The following DOCK7 variants were observed in gnomAD, a reference collection of about 807,000 sequenced individuals.
The protein encoded by DOCK7 is dedicator of cytokinesis 7, also known as dedicator of cytokinesis protein 7.
DOCK7 carries 138 observed loss-of-function variants against 271.0 expected under a neutral mutation model. The observed-to-expected ratio is 0.51, with a 90% confidence interval of 0.44 to 0.59. The LOEUF (loss-of-function observed/expected upper bound fraction) is 0.59. DOCK7 is among the 20% of genes least tolerant of loss of function. The pLI, the probability that DOCK7 is intolerant of heterozygous loss-of-function variation, is 0.00. For synonymous variants in DOCK7, 823 were observed against 876.1 expected, an observed-to-expected ratio of 0.94 and a Z score of 1.07; for missense variants, 2,066 against 2,592.4, an observed-to-expected ratio of 0.80 and a Z score of 4.41.
chr1:62,486,443 T>C (rs1048669907), intron 43 of DOCK7: 1 of 152,104 alleles, frequency 6.6e-6, no homozygotes, highest in African/African-American at 2.4e-5. Flanking sequence ...TTTACAAATA[T>C]ACCTAGCTTT....
intron 33 of DOCK7, among the ~76,000 whole-genome samples, chr1:62,512,258 T>A (rs1166834437): frequency 6.6e-6 from 1 of 152,150 alleles, no homozygotes; most frequent in Non-Finnish European, 1.5e-5. Flanking sequence ...TTGGCATGTA[T>A]CATCTACACA....
intron 9 of DOCK7, chr1:62,633,790 T>C (rs1383458582): frequency 6.2e-6 from 3 of 483,150 alleles, no homozygotes; most frequent in Non-Finnish European, 1.1e-5. Context: ...ACTACCATAA[T>C]AAAGGCCATA....
chr1:62,590,558 G>A (rs539072607), intron 14 of DOCK7, among the ~76,000 whole-genome samples: 1 of 152,222 alleles, frequency 6.6e-6, no homozygotes, highest in East Asian at 1.9e-4. Flanking sequence ...CATAGAACTC[G>A]TGGTCTAGAG....
At chr1:62,530,263 C>A (rs1399313417) in intron 29 of DOCK7, among the ~76,000 whole-genome samples, 1 of 152,200 alleles carries the variant, frequency 6.6e-6, no homozygotes, top group East Asian at 1.9e-4. Flanking sequence ...TTTGCTCTGG[C>A]CAGGTCTTTT....
chr1:62,687,217 T>C (rs1026994177), intron 1 of DOCK7, among the ~76,000 whole-genome samples: 1 of 152,254 alleles, frequency 6.6e-6, no homozygotes, highest in African/African-American at 2.4e-5. Flanking sequence ...TATGATTTTA[T>C]TAAAACAAAA....
At chr1:62,620,052 G>C in intron 12 of DOCK7, 59 bp from the exon 13 acceptor site, 1 of 1,381,084 alleles carries the variant, frequency 7.2e-7, no homozygotes, top group Non-Finnish European at 1.0e-6. Flanking sequence ...AGGCACAGTG[G>C]CTCACGCCTG....
intron 47 of DOCK7, 94 bp downstream of exon 47, chr1:62,475,114 C>A: frequency 7.4e-7 from 1 of 1,357,560 alleles, no homozygotes; most frequent in Non-Finnish European, 9.7e-7. Context: ...GAAGGCAGAT[C>A]CTTTTCATCT....
At position 62,654,072 on chromosome 1, in the gene DOCK7, C is replaced by A. The variant is rs1657695516; in HGVS notation, c.232G>T (p.Asp78Tyr). 1.9e-6 allele frequency: 3 copies of A among 1,613,908 alleles called. No individual in the cohort carries two copies. The highest frequency in any genetic ancestry group is 2.5e-6 in the Non-Finnish European group (3 of 1,179,916). ...PLAVDSGPLRDLIEFPPDDIE... is the reference protein window; with the variant it reads ...PLAVDSGPLRYLIEFPPDDIE... ...TCATCTGGAGGAAATTCAATCAAAT[C>A]CCGTAAAGGCCCAGAATCCACAGCC... is the stretch of plus-strand genomic sequence containing the variant. The change falls in exon 3 of 50, where the codon GAT (aspartate) becomes TAT (tyrosine). Residue 78 changes from aspartate to tyrosine, a missense_variant. Asp to Tyr is a radical substitution (Grantham distance 160). Transcript: ENST00000635253.
chr1:62,641,283 A>T, intron 7 of DOCK7: 1 of 419,432 alleles, frequency 2.4e-6, no homozygotes. Context: ...ACTGCCTGGT[A>T]CTTCCAGCCA....
At chr1:62,669,537 A>C (rs138997260) in intron 1 of DOCK7, among the ~76,000 whole-genome samples, 164 of 152,298 alleles carry the variant, frequency 1.1e-3, no homozygotes, top group African/African-American at 3.6e-3. Flanking sequence ...AAACAGGTTC[A>C]TTTCTGCCAT....
At chr1:62,676,978 G>C (rs1179094018) in intron 1 of DOCK7, among the ~76,000 whole-genome samples, 2 of 152,220 alleles carry the variant, frequency 1.3e-5, no homozygotes, top group African/African-American at 4.8e-5. Context: ...GGTTTTCCTT[G>C]AATGTCTTTG....
chr1:62,585,605 C>T (rs1355890763), intron 15 of DOCK7, among the ~76,000 whole-genome samples: 1 of 152,134 alleles, frequency 6.6e-6, no homozygotes, highest in African/African-American at 2.4e-5. Context: ...GGTTCCCTGG[C>T]AACTCACCAC....
chr1:62,546,017 G>C (rs2149406370), intron 22 of DOCK7, among the ~76,000 whole-genome samples: 1 of 152,230 alleles, frequency 6.6e-6, no homozygotes, highest in Middle Eastern at 3.4e-3. Flanking sequence ...ATTAGGGTAA[G>C]AATAGCAAAG....
chr1:62,663,937 A>G (rs1211068524), intron 1 of DOCK7, among the ~76,000 whole-genome samples: 1 of 152,230 alleles, frequency 6.6e-6, no homozygotes. Context: ...TGGAAGCATC[A>G]AGCTATCCTT....
rs878948849 is a variant in DOCK7, at chr1:62,475,063, A to G, written c.6105+145T>C. The G allele has an allele frequency of 1.9e-5, 17 of 903,442 alleles. No individual in the cohort carries two copies. In the South Asian group the frequency reaches 4.1e-4, roughly 22 times the overall value. 56.0% of individuals were successfully genotyped at this position (903,442 alleles called of 1,614,324 possible). A position where few individuals can be genotyped will look rare whatever the true frequency, so the allele number is the denominator to read the frequency against. On this transcript the variant is annotated intron_variant, in intron 47 of 49. Transcript: ENST00000635253. ...AAGTGAATCAATTCCTTCTTAATAG[A>G]ATTTATAAGATCGCATAGGTAGAAA...
intron 48 of DOCK7, among the ~76,000 whole-genome samples, chr1:62,471,042 A>C (rs1645816425): frequency 6.6e-6 from 1 of 152,116 alleles, no homozygotes; most frequent in South Asian, 2.1e-4. Context: ...GCCCTTTATG[A>C]TGATCCACTT....
At chr1:62,625,070 G>T in intron 12 of DOCK7, 189 bp downstream of exon 12, 1 of 442,982 alleles carries the variant, frequency 2.3e-6, no homozygotes, top group Non-Finnish European at 3.9e-6. Flanking sequence ...TAAATATAAT[G>T]CTAAAATAAT....
In DOCK7 at chr1:62,679,803, T is replaced by C. The variant is rs370794485; in HGVS notation, c.38+8424A>G. Among the ~76,000 whole-genome samples the C allele has an allele frequency of 3.3e-5, 5 of 152,236 alleles. No homozygotes were observed. The East Asian group carries it at 9.6e-4, about 29-fold the overall frequency. ...CCATTCACAATTGCTTCAAAGAGAATAAAATACTTAGGAATCCAACTTACA... is the reference window on the plus strand; with the variant it reads ...CCATTCACAATTGCTTCAAAGAGAACAAAATACTTAGGAATCCAACTTACA... On this transcript the variant is annotated intron_variant, in intron 1 of 49. Coordinates refer to ENST00000635253, the MANE Select transcript of DOCK7 (RefSeq NM_001367561.1).
At chr1:62,557,392 T>C (rs1646179812) in intron 20 of DOCK7, among the ~76,000 whole-genome samples, 1 of 151,782 alleles carries the variant, frequency 6.6e-6, no homozygotes, top group South Asian at 2.1e-4. Flanking sequence ...TGAGCATGTT[T>C]AGATGCTGAT....
Sources: gnomAD v4.1 joint callset for allele counts (sites outside exome capture counted in the v4.1 genomes callset) on GRCh38, gnomAD v4.1.1 for gene constraint, MANE v1.5 for transcripts, NCBI Gene and HGNC (gene_info 2026-07-23, HGNC 2026-07-21) for gene names.